LRRIQ1: variants seen among roughly 807,000 people sequenced by gnomAD.
LRRIQ1 encodes the protein leucine rich repeats and IQ motif containing 1.
Under a neutral mutation model 211.9 loss-of-function variants are expected in LRRIQ1, and 210 were observed. The ratio of observed to expected loss-of-function variants is 0.99; its 90% CI spans 0.89 to 1.11. The LOEUF (loss-of-function observed/expected upper bound fraction) is 1.11. Among genes scored for constraint, LRRIQ1 ranks in the 50% most tolerant of loss-of-function variants. The pLI is 0.00. For missense variants in LRRIQ1, 2,136 were observed against 1,939.5 expected, an observed-to-expected ratio of 1.10 and a Z score of -1.90; for synonymous variants, 699 against 650.1, an observed-to-expected ratio of 1.08 and a Z score of -1.14.
intron 1 of LRRIQ1, among the ~76,000 whole-genome samples, chr12:85,252,365 T>G (rs1490188277): frequency 6.6e-6 from 1 of 151,892 alleles, no homozygotes; most frequent in African/African-American, 2.4e-5. Flanking sequence ...GCTTACTTTT[T>G]AGGAAAATGT....
intron 1 of LRRIQ1, among the ~76,000 whole-genome samples, chr12:85,254,968 A>G (rs944044261): frequency 6.6e-6 from 1 of 151,920 alleles, no homozygotes; most frequent in African/African-American, 2.4e-5. Context: ...TTTAAATTAG[A>G]AAAATCATGT....
At chr12:85,042,504 CATTAA>C (rs1879015890) in intron 3 of LRRIQ1, among the ~76,000 whole-genome samples, 1 of 146,888 alleles carries the variant, frequency 6.8e-6, no homozygotes, top group African/African-American at 2.5e-5. Flanking sequence ...GTTTATTATT[CATTAA>C]ATTATACTAA....
intron 3 of LRRIQ1, among the ~76,000 whole-genome samples, chr12:85,042,283 A>G (rs1878976398): frequency 6.6e-6 from 1 of 151,518 alleles, no homozygotes; most frequent in Admixed American, 6.6e-5. Flanking sequence ...CAAATAAATC[A>G]GAGCCTTATA....
intron 5 of LRRIQ1, 38 bp from the exon 6 acceptor site, chr12:85,047,209 C>T: frequency 6.9e-7 from 1 of 1,451,368 alleles, no homozygotes; most frequent in South Asian, 1.3e-5. Flanking sequence ...CAGTTTTGAT[C>T]TTACAAATGA....
intron 26 of LRRIQ1, among the ~76,000 whole-genome samples, chr12:85,240,236 G>T (rs1414414385): frequency 1.3e-5 from 2 of 152,210 alleles, no homozygotes; most frequent in East Asian, 1.9e-4. Flanking sequence ...TTCACTTAGA[G>T]AAATAATTAA....
intron 26 of LRRIQ1, among the ~76,000 whole-genome samples, chr12:85,243,826 G>A (rs185879714): frequency 2.6e-5 from 4 of 151,304 alleles, no homozygotes; most frequent in African/African-American, 7.3e-5. Flanking sequence ...TTTTAAAGAG[G>A]GTCATTTTTG....
Position 85,078,456 on chromosome 12 carries a change from C to T in LRRIQ1, c.2887+5358C>T, listed in dbSNP as rs144701939. 2.8e-3 allele frequency among the ~76,000 whole-genome samples: 433 copies of T among 152,106 alleles called. 5 individuals carry two copies. The highest frequency in any genetic ancestry group is 9.8e-3 in the African/African-American group (407 of 41,488). On this transcript the variant is annotated intron_variant, in intron 11 of 26. Coordinates refer to ENST00000393217, the MANE Select transcript of LRRIQ1 (RefSeq NM_001079910.2). ...CAACTCAGGACAGCCTACTTCAGAA[C>T]CTATATATTTTTGTTATGCCACCTG...
intron 18 of LRRIQ1, among the ~76,000 whole-genome samples, chr12:85,135,183 G>T (rs1466967175): frequency 6.6e-6 from 1 of 151,792 alleles, no homozygotes; most frequent in Non-Finnish European, 1.5e-5. Context: ...GAAGTAACCA[G>T]GTCATTTGTC....
intron 1 of LRRIQ1, among the ~76,000 whole-genome samples, chr12:85,258,939 A>C (rs1290363264): frequency 2.0e-5 from 3 of 152,048 alleles, no homozygotes; most frequent in Non-Finnish European, 4.4e-5. Flanking sequence ...TACATATTAA[A>C]TTACTTATCA....
intron 24 of LRRIQ1, chr12:85,162,725 G>A (rs1890950139): frequency 6.6e-6 from 3 of 454,928 alleles, no homozygotes; most frequent in East Asian, 7.0e-5. Flanking sequence ...TAAGCTTTAC[G>A]ATGTGATGTT....
chr12:85,127,344 G>A (rs538162735), intron 17 of LRRIQ1, among the ~76,000 whole-genome samples: 95 of 152,220 alleles, frequency 6.2e-4, no homozygotes, highest in Non-Finnish European at 1.1e-3. Context: ...CTGTTTGTGG[G>A]CAGAGAAGAA....
chr12:85,065,296 G>C lies in LRRIQ1; in HGVS notation c.2426G>C (p.Cys809Ser). The C allele has an allele frequency of 6.2e-7, 1 of 1,610,418 alleles. No homozygotes were observed. The highest frequency in any genetic ancestry group is 8.5e-7 in the Non-Finnish European group (1 of 1,177,778). Reference protein sequence around the residue: ...TTVTFQDLPGCVLSTLAECTN... With the variant: ...TTVTFQDLPGSVLSTLAECTN... The stretch of plus-strand genomic sequence containing the variant: ...GTTACATTTCAAGATTTGCCAGGCT[G>C]TGTTCTCTCCACACTGGCAGAGTGT... The change falls in exon 9 of 27, where the codon TGT (cysteine) becomes TCT (serine). Residue 809 changes from cysteine to serine, a missense_variant. Coordinates refer to ENST00000393217, the MANE Select transcript of LRRIQ1 (RefSeq NM_001079910.2).
Position 85,124,401 on chromosome 12 carries a change from C to T in LRRIQ1, c.3889C>T (p.Gln1297Ter). The change falls in exon 17 of 27, where the codon CAG becomes TAG. Residue 1297 changes from glutamine to a stop codon, truncating the protein, a stop_gained. Coordinates refer to ENST00000393217, the MANE Select transcript of LRRIQ1 (RefSeq NM_001079910.2). LOFTEE classifies it high-confidence loss of function. The stretch of plus-strand genomic sequence containing the variant: ...AAGACATCAGGAAATATTAGTATGT[C>T]AGAAGAGAGAAGACAGCAAGGCAAG... ...EGRHQEILVCQKREDSKASSI... is the reference protein window; with the variant it reads ...EGRHQEILVC 2 of 1,613,980 alleles carry T rather than the reference C, an allele frequency of 1.2e-6. No homozygotes were observed. The highest frequency in any genetic ancestry group is 8.5e-7 in the Non-Finnish European group (1 of 1,180,012).
intron 24 of LRRIQ1, among the ~76,000 whole-genome samples, chr12:85,218,502 G>A (rs1592986787): frequency 6.6e-6 from 1 of 152,200 alleles, no homozygotes; most frequent in East Asian, 1.9e-4. Flanking sequence ...GGAGAAAACT[G>A]AGACAGAGAG....
At chr12:85,235,565 T>C (rs1895137183) in intron 26 of LRRIQ1, among the ~76,000 whole-genome samples, 1 of 152,180 alleles carries the variant, frequency 6.6e-6, no homozygotes, top group South Asian at 2.1e-4. Flanking sequence ...GGAGAAAGTA[T>C]GACTTTGATA....
intron 24 of LRRIQ1, among the ~76,000 whole-genome samples, chr12:85,218,102 T>C (rs1342089126): frequency 6.6e-6 from 1 of 152,028 alleles, no homozygotes; most frequent in Non-Finnish European, 1.5e-5. Flanking sequence ...ATTAAGACCA[T>C]CTACTCTTCT....
intron 24 of LRRIQ1, among the ~76,000 whole-genome samples, chr12:85,170,581 G>A (rs1050134675): frequency 2.0e-5 from 3 of 150,820 alleles, no homozygotes; most frequent in African/African-American, 7.3e-5. Context: ...ATATGTATAT[G>A]GTTAAATTTT....
chr12:85,057,278 T>C (rs1351401734), intron 8 of LRRIQ1, 94 bp downstream of exon 8: 1 of 982,344 alleles, frequency 1.0e-6, no homozygotes, highest in Non-Finnish European at 1.4e-6. Flanking sequence ...ATATTTTGTA[T>C]ACAAGAATTG....
chr12:85,229,378 A>T, intron 24 of LRRIQ1, 139 bp from the exon 25 acceptor site: 1 of 600,590 alleles, frequency 1.7e-6, no homozygotes, highest in Non-Finnish European at 2.7e-6. Flanking sequence ...TACTGACATT[A>T]GTTTTCTTAC....
Sources: gnomAD v4.1 joint callset for allele counts (sites outside exome capture counted in the v4.1 genomes callset) on GRCh38, gnomAD v4.1.1 for gene constraint, MANE v1.5 for transcripts, NCBI Gene and HGNC (gene_info 2026-07-23, HGNC 2026-07-21) for gene names.